DNER: variants seen among roughly 807,000 people sequenced by gnomAD.
DNER encodes delta/notch like EGF repeat containing, also known as delta and Notch-like epidermal growth factor-related receptor.
In DNER, 33 loss-of-function variants were observed where a neutral mutation model predicts 78.2. That is an observed-to-expected ratio of 0.42 (90% confidence interval 0.32 to 0.56). The LOEUF is 0.56. Ranked by LOEUF, DNER falls within the 20% of genes least tolerant of loss-of-function variation. The pLI is 0.11. For missense variants in DNER, 918 were observed against 975.3 expected (o/e 0.94, Z 0.78); for synonymous variants, 417 against 384.8 (o/e 1.08, Z -0.98).
In DNER at chr2:229,591,921, C is replaced by T. The variant is rs1211837828; in HGVS notation, c.277-33G>A. The T allele has an allele frequency of 1.4e-6, 2 of 1,469,044 alleles. No homozygotes were observed. Among genetic ancestry groups the T allele is most frequent in the Non-Finnish European group, 1.8e-6 (2 of 1,113,640 alleles). The allele number at this position is 1,469,044 out of a possible 1,614,324, so 91.0% of individuals were successfully genotyped here. A position where few individuals can be genotyped will look rare whatever the true frequency, so the allele number is the denominator to read the frequency against. On this transcript the variant is annotated intron_variant, in intron 1 of 12. Transcript: ENST00000341772. The surrounding 1 kb of genome is among the most constrained non-coding windows in gnomAD (Gnocchi z 4.6). ...GAGACCATAAATGGGTCAATTATTC[C>T]CTCATAAGAAAAGTGGTGCCATCGC...
chr2:229,570,932 C>A (rs957068635), intron 4 of DNER, among the ~76,000 whole-genome samples: 3 of 152,062 alleles, frequency 2.0e-5, no homozygotes, highest in African/African-American at 7.2e-5. Context: ...AAGATTTTGT[C>A]TGTGTTTAAG....
At chr2:229,664,864 T>A (rs1027677577) in intron 1 of DNER, among the ~76,000 whole-genome samples, 3 of 152,152 alleles carry the variant, frequency 2.0e-5, no homozygotes, top group Non-Finnish European at 2.9e-5. Flanking sequence ...CTGAGGCCAC[T>A]GTGCTATGAA....
At chr2:229,481,235 C>A (rs1695152684) in intron 6 of DNER, among the ~76,000 whole-genome samples, 1 of 152,194 alleles carries the variant, frequency 6.6e-6, no homozygotes, top group Admixed American at 6.5e-5. Context: ...ACCTGACAAT[C>A]ATTCACACCA....
chr2:229,531,714 G>A (rs1380984719), intron 5 of DNER, among the ~76,000 whole-genome samples: 1 of 152,180 alleles, frequency 6.6e-6, no homozygotes, highest in Non-Finnish European at 1.5e-5. Context: ...GTACAGACAT[G>A]TTCATAGCAG....
At chr2:229,585,418 C>G (rs565528273) in intron 4 of DNER, among the ~76,000 whole-genome samples, 1 of 151,806 alleles carries the variant, frequency 6.6e-6, no homozygotes, top group African/African-American at 2.4e-5. Flanking sequence ...CCCAACACTT[C>G]GGGAGGCTGA....
At chr2:229,646,734 A>T (rs1698726347) in intron 1 of DNER, among the ~76,000 whole-genome samples, 1 of 152,290 alleles carries the variant, frequency 6.6e-6, no homozygotes. Context: ...ACTCTGTGCC[A>T]GGCCTAGGCC....
intron 9 of DNER, among the ~76,000 whole-genome samples, chr2:229,410,133 A>AT (rs1172082399): frequency 6.6e-6 from 1 of 152,126 alleles, no homozygotes; most frequent in Admixed American, 6.6e-5. Flanking sequence ...TGATCTTCGC[A>AT]TATTTAACTA....
intron 10 of DNER, among the ~76,000 whole-genome samples, chr2:229,405,946 T>C (rs1470701469): frequency 6.6e-6 from 1 of 152,238 alleles, no homozygotes; most frequent in Non-Finnish European, 1.5e-5. Flanking sequence ...TGAGTATAAA[T>C]GTCTGCGTGT....
chr2:229,592,674 A>ACAT (rs556423174), intron 1 of DNER, among the ~76,000 whole-genome samples: 2,416 of 152,248 alleles, frequency 0.016, 68 homozygotes, highest in African/African-American at 0.055. Context: ...ATGTGTTGGT[A>ACAT]GTTGCAGACA....
chr2:229,574,947 G>A (rs1020780656), intron 4 of DNER, among the ~76,000 whole-genome samples: 6 of 152,228 alleles, frequency 3.9e-5, no homozygotes, highest in East Asian at 3.9e-4. Flanking sequence ...GCAAAGCCCC[G>A]AGAAAGTTTG....
chr2:229,677,575 C>T (rs1699317729), intron 1 of DNER, among the ~76,000 whole-genome samples: 1 of 152,208 alleles, frequency 6.6e-6, no homozygotes, highest in African/African-American at 2.4e-5. Context: ...CTCTTCTTTT[C>T]ATAAATATAC....
At chr2:229,504,326 T>C (rs1225699042) in intron 6 of DNER, among the ~76,000 whole-genome samples, 1 of 152,152 alleles carries the variant, frequency 6.6e-6, no homozygotes, top group Non-Finnish European at 1.5e-5. Context: ...TTCAAGCGAT[T>C]CTCCTGCCTC....
At chr2:229,680,534 C>G (rs1359103964) in intron 1 of DNER, among the ~76,000 whole-genome samples, 1 of 152,226 alleles carries the variant, frequency 6.6e-6, no homozygotes, top group Non-Finnish European at 1.5e-5. Flanking sequence ...CACACAAGTG[C>G]AGAATCTGAT....
chr2:229,491,553 C>A (rs12464905), intron 6 of DNER, among the ~76,000 whole-genome samples: 18,989 of 152,230 alleles, frequency 0.12, 1,324 homozygotes, highest in South Asian at 0.2. Flanking sequence ...TGCCTGCAAT[C>A]CTATTCCCCT....
chr2:229,544,306 C>T (rs1431170454), intron 5 of DNER, among the ~76,000 whole-genome samples: 2 of 152,130 alleles, frequency 1.3e-5, no homozygotes, highest in Non-Finnish European at 2.9e-5. Flanking sequence ...AAGGAGCCTC[C>T]TGGCTCTGCA....
At chr2:229,507,843 C>G (rs1419888199) in intron 6 of DNER, among the ~76,000 whole-genome samples, 1 of 152,148 alleles carries the variant, frequency 6.6e-6, no homozygotes, top group African/African-American at 2.4e-5. Context: ...TGCAGGGAAA[C>G]ATTTTCTTAA....
chr2:229,412,547 T>A (rs1368464060), intron 9 of DNER, among the ~76,000 whole-genome samples: 2 of 152,128 alleles, frequency 1.3e-5, no homozygotes, highest in Non-Finnish European at 2.9e-5. Context: ...ATAATTGTCA[T>A]GGCAAATAGA....
At chr2:229,662,100 A>T (rs544739714) in intron 1 of DNER, among the ~76,000 whole-genome samples, 20 of 152,350 alleles carry the variant, frequency 1.3e-4, no homozygotes, top group Non-Finnish European at 1.5e-5. Flanking sequence ...TATTTGTGTC[A>T]ATTTTGCAAG....
chr2:229,521,592 C>T (rs1252502634), intron 5 of DNER, among the ~76,000 whole-genome samples: 2 of 152,208 alleles, frequency 1.3e-5, no homozygotes, highest in African/African-American at 4.8e-5. Context: ...ACTAAAGGGT[C>T]AGACAACCAG....
Sources: gnomAD v4.1 joint callset for allele counts (sites outside exome capture counted in the v4.1 genomes callset) on GRCh38, gnomAD v4.1.1 for gene constraint, Gnocchi (gnomAD v3.1) non-coding constraint, MANE v1.5 for transcripts, NCBI Gene and HGNC (gene_info 2026-07-23, HGNC 2026-07-21) for gene names.